NR1I2: variants seen among roughly 807,000 people sequenced by gnomAD.
The protein encoded by NR1I2 is nuclear receptor subfamily 1 group I member 2, also known as orphan nuclear receptor PAR1.
Under a neutral mutation model 43.3 loss-of-function variants are expected in NR1I2, and 42 were observed. The observed-to-expected ratio is 0.97, with a 90% CI of 0.76 to 1.26. NR1I2 has a LOEUF of 1.26. Among genes scored for constraint, NR1I2 ranks in the 50% most tolerant of loss-of-function variants. The probability of loss-of-function intolerance (pLI) is 0.00; values close to 1 mark genes in which losing one functional copy is unlikely to be tolerated. For synonymous variants in NR1I2, 229 were observed against 215.0 expected, an observed-to-expected ratio of 1.06 and a Z score of -0.57; for missense variants, 559 against 566.7, an observed-to-expected ratio of 0.99 and a Z score of 0.14.
chr3:119,818,468 A>C lies in NR1I2; in HGVS notation c.*1256A>C. The C allele has an allele frequency of 1.0e-6, 1 of 985,256 alleles. No homozygotes were observed. The highest frequency in any genetic ancestry group is 1.1e-4 in the East Asian group (1 of 8,816). 61.0% of individuals were successfully genotyped at this position (985,256 alleles called of 1,614,324 possible). A position where few individuals can be genotyped will look rare whatever the true frequency, so the allele number is the denominator to read the frequency against. On this transcript the variant is annotated 3_prime_UTR_variant, in exon 9 of 9. Transcript: ENST00000393716. ...GTCAAATCAAGGCAAAAGGAATTAA[A>C]TAATGTACTTTTGGCTAGAGGGGTA...
chr3:119,816,015 G>C (rs1237228822), intron 8 of NR1I2, among the ~76,000 whole-genome samples, 184 bp downstream of exon 8: 1 of 152,196 alleles, frequency 6.6e-6, no homozygotes, highest in African/African-American at 2.4e-5. Flanking sequence ...GCAAACAGGG[G>C]GACGTGGCCC....
chr3:119,787,337 ACCCCAGAGCCCCAGTT>A (rs1223206033), intron 1 of NR1I2, among the ~76,000 whole-genome samples: 19 of 151,554 alleles, frequency 1.3e-4, no homozygotes, highest in African/African-American at 4.4e-4. Flanking sequence ...ACTGGAACAC[ACCCCAGAGCCCCAGTT>A]TCCTCATTTG....
intron 1 of NR1I2, among the ~76,000 whole-genome samples, chr3:119,783,386 A>G (rs2054803634): frequency 6.6e-6 from 1 of 151,912 alleles, no homozygotes; most frequent in Non-Finnish European, 1.5e-5. Flanking sequence ...AACTCTGGCC[A>G]TATCATTAGA....
Position 119,811,282 on chromosome 3 carries a change from G to A in NR1I2, c.332-257G>A, listed in dbSNP as rs887642549. The A allele has an allele frequency of 9.6e-6, 4 of 418,238 alleles. No individual in the cohort carries two copies. In the South Asian group the frequency reaches 2.0e-4, roughly 21 times the overall value. The allele number at this position is 418,238 out of a possible 1,614,324, so 25.9% of individuals were successfully genotyped here. ...ATTCTGAAGCCCGTGCTCTTGCCAG[G>A]GCCCCACAGTGTCCTCACAAACTCC... On this transcript the variant is annotated intron_variant, in intron 3 of 8. Coordinates refer to ENST00000393716, the MANE Select transcript of NR1I2 (RefSeq NM_003889.4).
At chr3:119,794,651 G>A (rs894083020) in intron 1 of NR1I2, among the ~76,000 whole-genome samples, 4 of 152,128 alleles carry the variant, frequency 2.6e-5, no homozygotes, top group Non-Finnish European at 4.4e-5. Context: ...AAATAGGACT[G>A]CCCAGGCCAA....
At chr3:119,787,333 A>G (rs2054855869) in intron 1 of NR1I2, among the ~76,000 whole-genome samples, 2 of 151,840 alleles carry the variant, frequency 1.3e-5, no homozygotes, top group Non-Finnish European at 2.9e-5. Flanking sequence ...ATGAACTGGA[A>G]CACACCCCAG....
intron 4 of NR1I2, 105 bp from the exon 5 acceptor site, chr3:119,812,581 G>A (rs1463104305): frequency 1.4e-5 from 19 of 1,313,572 alleles, no homozygotes; most frequent in Non-Finnish European, 1.9e-5. Flanking sequence ...GCATCCTCTC[G>A]AGCTGCAACT....
In NR1I2 at chr3:119,810,138, G is replaced by T. The variant is rs1022524999; in HGVS notation, c.275G>T (p.Arg92Leu). The T allele has an allele frequency of 6.2e-7, 1 of 1,613,254 alleles. No individual in the cohort carries two copies. The highest frequency in any genetic ancestry group is 8.5e-7 in the Non-Finnish European group (1 of 1,179,830). ...TGCGAGATCACCCGGAAGACCCGGCGACAGTGCCAGGCCTGCCGCCTGCGC... is the reference window on the plus strand; with the variant it reads ...TGCGAGATCACCCGGAAGACCCGGCTACAGTGCCAGGCCTGCCGCCTGCGC... Residue 92 changes from arginine (R) to leucine (L), a missense_variant, in exon 3 of 9, where the codon CGA becomes CTA. Around this residue, in one of 3 missense-constraint regions of NR1I2, gnomAD observed 232 missense variants for 236.6 expected, o/e 0.98. Coordinates refer to ENST00000393716, the MANE Select transcript of NR1I2 (RefSeq NM_003889.4).
At chr3:119,788,861 T>C (rs2054880495) in intron 1 of NR1I2, among the ~76,000 whole-genome samples, 1 of 152,208 alleles carries the variant, frequency 6.6e-6, no homozygotes, top group Non-Finnish European at 1.5e-5. Context: ...TCCATGCCAG[T>C]CTGTTTGTGT....
At chr3:119,814,901 A>G in intron 5 of NR1I2, 78 bp from the exon 6 acceptor site, 1 of 1,589,076 alleles carries the variant, frequency 6.3e-7, no homozygotes, top group Non-Finnish European at 8.6e-7. Flanking sequence ...CAACTTCTGG[A>G]TTATGGGATG....
chr3:119,811,343 C>G (rs535783312), intron 3 of NR1I2, 196 bp from the exon 4 acceptor site: 67 of 594,840 alleles, frequency 1.1e-4, no homozygotes, highest in Admixed American at 1.5e-4. Context: ...CACCTCATCT[C>G]TGTCCTCACC....
At chr3:119,810,302 G>C in intron 3 of NR1I2, 108 bp downstream of exon 3, 1 of 1,453,982 alleles carries the variant, frequency 6.9e-7, no homozygotes, top group Non-Finnish European at 9.2e-7. Flanking sequence ...GAGTGTGCGC[G>C]TGAACACACG....
chr3:119,812,844 A>AC lies in NR1I2; in HGVS notation c.683dup (p.Ala229SerfsTer17), dbSNP rs1559790756. 1 of 1,613,704 alleles carries AC rather than the reference A, an allele frequency of 6.2e-7. No individual in the cohort carries two copies. Among genetic ancestry groups the AC allele is most frequent in the Non-Finnish European group, 8.5e-7 (1 of 1,179,956 alleles). Reference sequence around the variant, plus strand: ...AGGATGGCAGTGTCTGGAACTACAAACCCCCAGCCGACAGTGGCGGGAAAG... The same window carrying AC: ...AGGATGGCAGTGTCTGGAACTACAAACCCCCCAGCCGACAGTGGCGGGAAAG... On this transcript the variant is annotated frameshift_variant, in exon 5 of 9. Transcript: ENST00000393716. LOFTEE classifies it high-confidence loss of function.
At chr3:119,792,547 C>T in intron 1 of NR1I2, 1 of 968,884 alleles carries the variant, frequency 1.0e-6, no homozygotes, top group Non-Finnish European at 1.6e-6. Context: ...TCCAGCTGCC[C>T]CAGTGAGGGC....
chr3:119,812,677 G>C lies in NR1I2; in HGVS notation c.520-9G>C. The C allele has an allele frequency of 6.2e-7, 1 of 1,613,650 alleles. No homozygotes were observed. The highest frequency in any genetic ancestry group is 8.5e-7 in the Non-Finnish European group (1 of 1,179,982). Reference sequence around the variant, plus strand: ...CTCTCCTCTGTCCACCTCCTGGCATGTGTCCTAGCTGCCAGGGGTGCTTAG... The same window carrying C: ...CTCTCCTCTGTCCACCTCCTGGCATCTGTCCTAGCTGCCAGGGGTGCTTAG... On this transcript the variant is annotated splice_polypyrimidine_tract_variant and intron_variant, in intron 4 of 8. Transcript: ENST00000393716.
At chr3:119,816,143 G>A (rs2055325422) in intron 8 of NR1I2, among the ~76,000 whole-genome samples, 1 of 152,194 alleles carries the variant, frequency 6.6e-6, no homozygotes, top group Admixed American at 6.5e-5. Flanking sequence ...GCCATGAAGG[G>A]TTAAGGCCAA....
intron 1 of NR1I2, among the ~76,000 whole-genome samples, chr3:119,788,073 A>G (rs1331344300): frequency 6.6e-6 from 1 of 151,834 alleles, no homozygotes; most frequent in Non-Finnish European, 1.5e-5. Flanking sequence ...CTGGGAAGGA[A>G]CTATCTCACC....
chr3:119,787,302 G>A (rs895077894), intron 1 of NR1I2, among the ~76,000 whole-genome samples: 2 of 149,170 alleles, frequency 1.3e-5, no homozygotes, highest in Non-Finnish European at 3.0e-5. Flanking sequence ...AAAAAAAAAA[G>A]TTCCGTCATT....
intron 1 of NR1I2, among the ~76,000 whole-genome samples, chr3:119,783,024 A>G (rs1435831560): frequency 1.3e-5 from 2 of 152,174 alleles, no homozygotes; most frequent in South Asian, 2.1e-4. Context: ...GGACAGGTCA[A>G]CAGACACCTC....
Sources: allele counts gnomAD v4.1 joint callset (sites outside exome capture counted in the v4.1 genomes callset), GRCh38; gene constraint gnomAD v4.1.1; regional missense constraint gnomAD v4.1.1; transcripts MANE v1.5; gene names NCBI Gene and HGNC (gene_info 2026-07-23, HGNC 2026-07-21).